Variants in CACNA2D2 observed in about 807,000 individuals in gnomAD.
The protein encoded by CACNA2D2 is voltage-dependent calcium channel subunit alpha-2/delta-2.
CACNA2D2 carries 48 observed loss-of-function variants against 166.4 expected under a neutral mutation model. That is an observed-to-expected ratio of 0.29 (90% confidence interval 0.23 to 0.37). The LOEUF is 0.37. Ranked by LOEUF, CACNA2D2 falls within the 10% of genes least tolerant of loss-of-function variation. CACNA2D2 has a pLI of 1.00. For missense variants in CACNA2D2, 1,122 were observed against 1,433.0 expected (o/e 0.78, Z 3.50); for synonymous variants, 561 against 573.7 (o/e 0.98, Z 0.32).
chr3:50,362,958 A>G lies in CACNA2D2; in HGVS notation c.*1708T>C, dbSNP rs954473546. Reference sequence around the variant, plus strand: ...TTGTCTGTACAAAATAGAACAACAAAAAAAGGGCAGAGAAAAGGAAATGGC... The same window carrying G: ...TTGTCTGTACAAAATAGAACAACAAGAAAAGGGCAGAGAAAAGGAAATGGC... On this transcript the variant is annotated 3_prime_UTR_variant, in exon 38 of 38. Coordinates refer to ENST00000424201, the MANE Select transcript of CACNA2D2 (RefSeq NM_006030.4). 9 of 397,490 alleles carry G rather than the reference A, an allele frequency of 2.3e-5. No homozygotes were observed. Among genetic ancestry groups the G allele is most frequent in the Non-Finnish European group, 4.0e-5 (9 of 225,848 alleles). 24.6% of individuals were successfully genotyped at this position (397,490 alleles called of 1,614,324 possible).
At chr3:50,386,575 G>A (rs75509849) in intron 5 of CACNA2D2, among the ~76,000 whole-genome samples, 3,536 of 152,268 alleles carry the variant, frequency 0.023, 119 homozygotes, top group African/African-American at 0.075. Context: ...ACCCCGCTCC[G>A]TCTCGGGCCC....
chr3:50,428,442 C>A (rs1245506774), intron 3 of CACNA2D2, among the ~76,000 whole-genome samples: 3 of 152,188 alleles, frequency 2.0e-5, no homozygotes, highest in African/African-American at 4.8e-5. Flanking sequence ...GAATGCCCAG[C>A]CCAGAGCCCA....
chr3:50,438,217 T>C (rs746368988), intron 2 of CACNA2D2, among the ~76,000 whole-genome samples: 4 of 152,046 alleles, frequency 2.6e-5, no homozygotes, highest in Non-Finnish European at 4.4e-5. Flanking sequence ...GAATTCCTGG[T>C]TCCCCCCCTT....
At chr3:50,384,085 TG>T in intron 6 of CACNA2D2, 110 bp downstream of exon 6, 1 of 1,346,352 alleles carries the variant, frequency 7.4e-7, no homozygotes, top group Non-Finnish European at 1.0e-6. Flanking sequence ...TGTAGGAGGC[TG>T]GAGGTAGATG....
At chr3:50,371,122 G>A (rs1704638013) in intron 22 of CACNA2D2, among the ~76,000 whole-genome samples, 1 of 152,092 alleles carries the variant, frequency 6.6e-6, no homozygotes, top group African/African-American at 2.4e-5. Context: ...AGTCTGAGGA[G>A]CTGGAAGGAG....
At chr3:50,412,728 GA>G (rs1707077813) in intron 3 of CACNA2D2, among the ~76,000 whole-genome samples, 1 of 152,216 alleles carries the variant, frequency 6.6e-6, no homozygotes, top group Non-Finnish European at 1.5e-5. Flanking sequence ...TGCAATATGG[GA>G]TCAATTTTTG....
At chr3:50,474,090 C>T (rs898966817) in intron 2 of CACNA2D2, among the ~76,000 whole-genome samples, 1 of 152,168 alleles carries the variant, frequency 6.6e-6, no homozygotes, top group Admixed American at 6.5e-5. Context: ...GAGCCACAGC[C>T]GGAGCTGCAC....
chr3:50,378,949 G>C lies in CACNA2D2; in HGVS notation c.1305C>G (p.Val435=). ...TFSVGQHNYD[V]TPLQWMACAN... ...CACAGGCCATCCACTGCAGCGGTGT[G>C]ACGTCATAGTTATGCTGCCCCACGG... Residue 435 remains valine (V), a synonymous_variant, in exon 13 of 38, where the codon GTC becomes GTG. Transcript: ENST00000424201. 6.2e-7 allele frequency: 1 copy of C among 1,613,928 alleles called. No individual in the cohort carries two copies. Among genetic ancestry groups the C allele is most frequent in the Admixed American group, 1.7e-5 (1 of 60,026 alleles).
intron 1 of CACNA2D2, among the ~76,000 whole-genome samples, chr3:50,499,245 G>A (rs1177126710): frequency 2.0e-5 from 3 of 152,224 alleles, no homozygotes; most frequent in Non-Finnish European, 4.4e-5. Flanking sequence ...CTAAACCTGA[G>A]AAAAGAGCAC....
At chr3:50,456,402 G>T (rs530976854) in intron 2 of CACNA2D2, among the ~76,000 whole-genome samples, 1 of 152,306 alleles carries the variant, frequency 6.6e-6, no homozygotes, top group South Asian at 2.1e-4. Context: ...TCACACAGAT[G>T]TGTCTTGCCC....
At chr3:50,396,636 T>C (rs1174403638) in intron 3 of CACNA2D2, among the ~76,000 whole-genome samples, 1 of 152,164 alleles carries the variant, frequency 6.6e-6, no homozygotes, top group East Asian at 1.9e-4. Flanking sequence ...TTCGCAATGC[T>C]TGTCACCAGT....
chr3:50,391,150 T>TCC (rs899435866), intron 4 of CACNA2D2, among the ~76,000 whole-genome samples: 2 of 152,298 alleles, frequency 1.3e-5, no homozygotes, highest in East Asian at 1.9e-4. Flanking sequence ...CTCACAGCCC[T>TCC]CCCTCTAGTC....
intron 22 of CACNA2D2, among the ~76,000 whole-genome samples, chr3:50,372,674 C>T (rs886355336): frequency 1.3e-5 from 2 of 152,158 alleles, no homozygotes; most frequent in African/African-American, 2.4e-5. Flanking sequence ...GGCTGATCTA[C>T]CCCCTGCATC....
chr3:50,461,125 A>G (rs554874206), intron 2 of CACNA2D2, among the ~76,000 whole-genome samples: 1 of 152,338 alleles, frequency 6.6e-6, no homozygotes, highest in Non-Finnish European at 1.5e-5. Context: ...CTGAGTGGTA[A>G]GAAATGAAAA....
intron 3 of CACNA2D2, among the ~76,000 whole-genome samples, chr3:50,429,967 G>T (rs971848042): frequency 1.3e-5 from 2 of 152,160 alleles, no homozygotes; most frequent in African/African-American, 4.8e-5. Flanking sequence ...CAGAAATGCT[G>T]CACTAAGGCA....
chr3:50,418,939 G>A (rs1022054648), intron 3 of CACNA2D2, among the ~76,000 whole-genome samples: 6 of 152,194 alleles, frequency 3.9e-5, no homozygotes, highest in African/African-American at 1.4e-4. Flanking sequence ...GTCTCAGTGT[G>A]GGAGTTGGGG....
In CACNA2D2 at chr3:50,365,228, C is replaced by CA; in HGVS notation, c.3099-45_3099-44insT. 3.9e-6 allele frequency: 6 copies of CA among 1,551,194 alleles called. No homozygotes were observed. The highest frequency in any genetic ancestry group is 2.3e-5 in the East Asian group (1 of 43,802). On this transcript the variant is annotated intron_variant, in intron 35 of 37. Coordinates refer to ENST00000424201, the MANE Select transcript of CACNA2D2 (RefSeq NM_006030.4). The surrounding 1 kb of genome is among the most constrained non-coding windows in gnomAD (Gnocchi z 4.5). ...GGCGGGGCGTTGAGTTTGCCCCGCC[C>CA]TGACCCACCCCCATCCTGCGGCCCC...
intron 3 of CACNA2D2, among the ~76,000 whole-genome samples, chr3:50,431,925 C>A (rs970941463): frequency 7.1e-6 from 1 of 141,376 alleles, no homozygotes; most frequent in African/African-American, 2.8e-5. Context: ...ATGGAGGTTG[C>A]ACTGAGCCAA....
In CACNA2D2 at chr3:50,374,863, G is replaced by A; in HGVS notation, c.1908-50C>T. 5 of 1,426,554 alleles carry A rather than the reference G, an allele frequency of 3.5e-6. No homozygotes were observed. In the South Asian group the frequency reaches 4.9e-5, roughly 14 times the overall value. The allele number at this position is 1,426,554 out of a possible 1,614,324, so 88.4% of individuals were successfully genotyped here. On this transcript the variant is annotated intron_variant, in intron 21 of 37. Coordinates refer to ENST00000424201, the MANE Select transcript of CACNA2D2 (RefSeq NM_006030.4). ...CGGCTGGGGGGAGGCGGGCCACACT[G>A]GCACCCCCTCCCCATGGCCTTGGAG...
Sources: allele counts gnomAD v4.1 joint callset (sites outside exome capture counted in the v4.1 genomes callset), GRCh38; gene constraint gnomAD v4.1.1; non-coding constraint Gnocchi (gnomAD v3.1); transcripts MANE v1.5; gene names NCBI Gene and HGNC (gene_info 2026-07-23, HGNC 2026-07-21).